The following SFXN3 variants were observed in gnomAD, a reference collection of about 807,000 sequenced individuals.
SFXN3 encodes sideroflexin 3.
Under a neutral mutation model 40.4 loss-of-function variants are expected in SFXN3, and 31 were observed. The ratio of observed to expected loss-of-function variants is 0.77; its 90% confidence interval spans 0.58 to 1.04. The LOEUF (loss-of-function observed/expected upper bound fraction) is 1.04. Ranked by LOEUF, SFXN3 falls within the 50% of genes least tolerant of loss-of-function variation. The pLI is 0.00. For missense variants in SFXN3, 366 were observed against 408.2 expected (o/e 0.90, Z 0.89); for synonymous variants, 157 against 160.0 (o/e 0.98, Z 0.14).
chr10:101,037,018 G>C (rs1037149467), intron 7 of SFXN3, 58 bp from the exon 8 acceptor site: 29 of 1,603,076 alleles, frequency 1.8e-5, no homozygotes, highest in Non-Finnish European at 2.5e-5. Flanking sequence ...CTGCTCATTC[G>C]GGCATTGCAG....
At chr10:101,033,274 G>A (rs1437394151) in intron 2 of SFXN3, among the ~76,000 whole-genome samples, 1 of 152,170 alleles carries the variant, frequency 6.6e-6, no homozygotes, top group Non-Finnish European at 1.5e-5. Flanking sequence ...AAGCTCACCT[G>A]AGCATGGGTG....
At chr10:101,034,974 C>T (rs948349489) in intron 3 of SFXN3, 119 bp downstream of exon 3, 11 of 1,308,656 alleles carry the variant, frequency 8.4e-6, no homozygotes, top group Non-Finnish European at 1.2e-5. Flanking sequence ...TCCCCTCACT[C>T]TCTAGCCCCG....
At chr10:101,037,557 CG>C in intron 9 of SFXN3, 126 bp downstream of exon 9, 1 of 1,588,730 alleles carries the variant, frequency 6.3e-7, no homozygotes, top group Non-Finnish European at 8.6e-7. Context: ...ACCCCTGCAC[CG>C]CCTCCTCCAC....
At chr10:101,035,322 T>C (rs1172072996) in intron 3 of SFXN3, among the ~76,000 whole-genome samples, 175 bp from the exon 4 acceptor site, 1 of 152,240 alleles carries the variant, frequency 6.6e-6, no homozygotes, top group African/African-American at 2.4e-5. Flanking sequence ...AATAGGAGCC[T>C]CCACTTCTGG....
intron 3 of SFXN3, among the ~76,000 whole-genome samples, chr10:101,035,090 T>C (rs1423735018): frequency 1.3e-5 from 2 of 152,224 alleles, no homozygotes; most frequent in African/African-American, 4.8e-5. Flanking sequence ...CACAAACCTC[T>C]ACAGGGATCT....
At chr10:101,034,795 G>C (rs763079710) in exon 3 of SFXN3, 1 of 1,614,114 alleles carries the variant, frequency 6.2e-7, no homozygotes, top group Non-Finnish European at 8.5e-7. Context: ...ACTGATCCTC[G>C]AAATCTGCTG....
At chr10:101,037,619 G>A in intron 9 of SFXN3, 188 bp downstream of exon 9, 1 of 1,462,450 alleles carries the variant, frequency 6.8e-7, no homozygotes, top group Admixed American at 2.6e-5. Context: ...GAACTCTGCA[G>A]GGGCAGGAGG....
At chr10:101,038,474 G>A (rs2134212013) in intron 9 of SFXN3, 169 bp from the exon 10 acceptor site, 1 of 1,476,418 alleles carries the variant, frequency 6.8e-7, no homozygotes, top group Non-Finnish European at 9.0e-7. Context: ...TGGAGTGGAA[G>A]GGCGTGATCT....
At chr10:101,032,432 C>T (rs1344554067) in exon 2 of SFXN3, 3 of 1,516,600 alleles carry the variant, frequency 2.0e-6, no homozygotes, top group Non-Finnish European at 1.8e-6. Flanking sequence ...GCGGCGACAG[C>T]GGAGGCAGAG....
exon 12 of SFXN3, chr10:101,040,113 C>T (rs1938825904): frequency 6.4e-6 from 1 of 155,810 alleles, no homozygotes; most frequent in South Asian, 2.0e-4. Context: ...TGATACCTAG[C>T]TCCCCAAGCT....
At position 101,038,775 on chromosome 10, in the gene SFXN3, T is replaced by C. The variant is rs926181236; in HGVS notation, c.821+83T>C. 1.9e-6 allele frequency: 3 copies of C among 1,577,720 alleles called. No individual in the cohort carries two copies. The African/African-American group carries it at 4.0e-5, about 21-fold the overall frequency. On this transcript the variant is annotated intron_variant, in intron 10 of 11. Transcript: ENST00000393459. ...GGGTGGGTATGGATTGTCTTTAAGA[T>C]GTTTATAGACATCATCCATTCATAC...
At chr10:101,035,138 G>T (rs1938528407) in intron 3 of SFXN3, among the ~76,000 whole-genome samples, 1 of 152,242 alleles carries the variant, frequency 6.6e-6, no homozygotes, top group African/African-American at 2.4e-5. Context: ...GGATAGAGGT[G>T]CTCAAAGTGG....
At chr10:101,038,655 C>T in exon 10 of SFXN3, 2 of 1,613,474 alleles carry the variant, frequency 1.2e-6, no homozygotes, top group South Asian at 1.1e-5. Flanking sequence ...CCGCCCCTGG[C>T]TGGGGGCACC....
In SFXN3 at chr10:101,036,986, G is replaced by A; in HGVS notation, c.594-90G>A. On this transcript the variant is annotated intron_variant, in intron 7 of 11. Transcript: ENST00000393459. This position sits in a 1 kb window ranked among gnomAD's most constrained non-coding sequence, Gnocchi z 4.2. ...GAACCAGCCTTTGAGCCTGGGGTGT[G>A]TGAGGGGACCCTGAGGAGCCGCTGC... 6.4e-7 allele frequency: 1 copy of A among 1,566,216 alleles called. No individual in the cohort carries two copies. The highest frequency in any genetic ancestry group is 8.7e-7 in the Non-Finnish European group (1 of 1,155,874).
chr10:101,036,846 A>G lies in SFXN3; in HGVS notation c.593+38A>G. The G allele has an allele frequency of 1.9e-6, 3 of 1,605,714 alleles. No individual in the cohort carries two copies. Among genetic ancestry groups the G allele is most frequent in the Non-Finnish European group, 2.6e-6 (3 of 1,173,464 alleles). ...GGCTCCTGGCATGTGCATGCCCAGA[A>G]TGTAGCACACTGTCCATCCACGCAG... On this transcript the variant is annotated intron_variant, in intron 7 of 11. Coordinates refer to ENST00000393459, the Ensembl canonical transcript of SFXN3. The surrounding 1 kb of genome is among the most constrained non-coding windows in gnomAD (Gnocchi z 4.2).
At chr10:101,034,464 T>A (rs939749968) in intron 2 of SFXN3, among the ~76,000 whole-genome samples, 1 of 152,210 alleles carries the variant, frequency 6.6e-6, no homozygotes, top group Non-Finnish European at 1.5e-5. Flanking sequence ...GCAAAGCAAT[T>A]GTTTAAAGTA....
chr10:101,038,442 G>A lies in SFXN3; in HGVS notation c.772-201G>A, dbSNP rs577739050. ...GAGAGGTCATGGGATGCCGGGGAGG[G>A]TGATCAGCAGACAGGCCTGGCTGGA... On this transcript the variant is annotated intron_variant, in intron 9 of 11. Coordinates refer to ENST00000393459, the Ensembl canonical transcript of SFXN3. The A allele has an allele frequency of 6.2e-6, 9 of 1,444,328 alleles. No individual in the cohort carries two copies. The Admixed American group carries it at 2.3e-4, about 37-fold the overall frequency. The allele number at this position is 1,444,328 out of a possible 1,614,324, so 89.5% of individuals were successfully genotyped here. A position where few individuals can be genotyped will look rare whatever the true frequency, so the allele number is the denominator to read the frequency against.
chr10:101,039,390 G>A lies in SFXN3; in HGVS notation c.870-99G>A. The A allele has an allele frequency of 1.6e-6, 2 of 1,275,798 alleles. No homozygotes were observed. Among genetic ancestry groups the A allele is most frequent in the Non-Finnish European group, 1.1e-6 (1 of 874,940 alleles). The allele number at this position is 1,275,798 out of a possible 1,614,324, so 79.0% of individuals were successfully genotyped here. On this transcript the variant is annotated intron_variant, in intron 11 of 11. Coordinates refer to ENST00000393459, the Ensembl canonical transcript of SFXN3. This position sits in a 1 kb window ranked among gnomAD's most constrained non-coding sequence, Gnocchi z 4.6. ...GCCAGTCCTTCTGGCAGTAGAAGGA[G>A]AGGATTTTTCAGCCTGGGAGGAGGT...
chr10:101,039,168 CCCCCAG>C lies in SFXN3; in HGVS notation c.822-4_823del. 6.2e-7 allele frequency: 1 copy of C among 1,607,516 alleles called. No individual in the cohort carries two copies. Among genetic ancestry groups the C allele is most frequent in the Non-Finnish European group, 8.5e-7 (1 of 1,174,578 alleles). ...TTACAAACCTTTCCAACACTTGTCT[CCCCCAG>C]CCTGGTATTTGCAACCCCCCTGTGC... On this transcript the variant is annotated splice_acceptor_variant and splice_polypyrimidine_tract_variant and intron_variant, in intron 10 of 11. Transcript: ENST00000393459. LOFTEE classifies it high-confidence loss of function. This position sits in a 1 kb window ranked among gnomAD's most constrained non-coding sequence, Gnocchi z 4.6.
Sources: allele counts gnomAD v4.1 joint callset (sites outside exome capture counted in the v4.1 genomes callset), GRCh38; gene constraint gnomAD v4.1.1; non-coding constraint Gnocchi (gnomAD v3.1); transcripts MANE v1.5; gene names NCBI Gene and HGNC (gene_info 2026-07-23, HGNC 2026-07-21).